Variants in MGAM observed in about 807,000 individuals in gnomAD.
MGAM encodes alpha-1,4-glucosidase.
A neutral mutation model predicts 358.8 loss-of-function variants in MGAM; 253 were observed. The ratio of observed to expected loss-of-function variants is 0.71; its 90% CI spans 0.64 to 0.78. The LOEUF is 0.78. Ranked by LOEUF, MGAM falls within the 30% of genes least tolerant of loss-of-function variation. The pLI is 0.00. For synonymous variants in MGAM, 1,105 were observed against 1,227.1 expected (o/e 0.90, Z 2.08); for missense variants, 3,080 against 3,432.6 (o/e 0.90, Z 2.57).
intron 49 of MGAM, among the ~76,000 whole-genome samples, chr7:142,080,101 C>G (rs1364751788): frequency 2.0e-5 from 3 of 146,476 alleles, no homozygotes; most frequent in East Asian, 4.0e-4. Context: ...TAATGACTAC[C>G]AAGTTTCTAA....
intron 18 of MGAM, among the ~76,000 whole-genome samples, chr7:142,037,347 G>A (rs1554466408): frequency 1.3e-5 from 2 of 152,176 alleles, no homozygotes; most frequent in African/African-American, 4.8e-5. Context: ...GGTCTCATCT[G>A]TAATGCACTA....
At chr7:142,082,337 T>G (rs1814383788) in intron 51 of MGAM, 127 bp downstream of exon 51, 1 of 1,293,466 alleles carries the variant, frequency 7.7e-7, no homozygotes, top group Admixed American at 2.2e-5. Context: ...GGGCCAATTC[T>G]CAGGCTCCTT....
intron 22 of MGAM, among the ~76,000 whole-genome samples, chr7:142,048,754 C>T (rs562809640): frequency 6.6e-6 from 1 of 152,008 alleles, no homozygotes; most frequent in African/African-American, 2.4e-5. Flanking sequence ...AATGGCTTGG[C>T]CTTGGAGACT....
At position 142,077,622 on chromosome 7, in the gene MGAM, T is replaced by G. The variant is rs1160855247; in HGVS notation, c.5494-696T>G. On this transcript the variant is annotated intron_variant, in intron 47 of 70. Coordinates refer to ENST00000475668, the MANE Select transcript of MGAM (RefSeq NM_001365693.1). ...GGGATGTTAGAAGTGGAAAGAAAGA[T>G]GATTTTATTTCCACCTCTCAATTTT... Among the ~76,000 whole-genome samples, 2 of 145,158 alleles carry G rather than the reference T, an allele frequency of 1.4e-5. 1 individual carries two copies. The highest frequency in any genetic ancestry group is 3.1e-5 in the Non-Finnish European group (2 of 64,162).
intron 5 of MGAM, 42 bp downstream of exon 5, chr7:142,021,125 T>A (rs199526313): frequency 4.2e-6 from 6 of 1,417,028 alleles, no homozygotes; most frequent in Admixed American, 2.1e-5. Context: ...TTTGAGAGAC[T>A]TTTATTCCCT....
chr7:142,099,502 G>A, intron 66 of MGAM, 111 bp from the exon 67 acceptor site: 2 of 1,535,838 alleles, frequency 1.3e-6, no homozygotes, highest in Non-Finnish European at 1.8e-6. Flanking sequence ...GTTGCAAAGG[G>A]TGATGAGCAG....
At chr7:142,044,765 GTATATTATATACACGTGTAATATATGATA>G (rs1563155317) in intron 21 of MGAM, among the ~76,000 whole-genome samples, 10 of 87,440 alleles carry the variant, frequency 1.1e-4, no homozygotes, top group South Asian at 3.4e-4. Context: ...GATATATAAT[GTATATTATATACACGTGTAATATATGATA>G]TATAATGTAT....
intron 33 of MGAM, 26 bp from the exon 34 acceptor site, chr7:142,060,285 G>A (rs202207680): frequency 1.8e-4 from 297 of 1,611,078 alleles, no homozygotes; most frequent in Admixed American, 6.5e-4. Context: ...CTAGTGCATC[G>A]CTACTGAACG....
chr7:142,065,320 T>C lies in MGAM; in HGVS notation c.4485-15T>C, dbSNP rs1395218544. ...GGCTGTTGCCTCAGTTCACCTCCTG[T>C]TCCCTTCCAAGCAGAGCCGTGCAGG... On this transcript the variant is annotated splice_polypyrimidine_tract_variant and intron_variant, in intron 37 of 70. Transcript: ENST00000475668. The C allele has an allele frequency of 2.5e-6, 4 of 1,604,060 alleles. No homozygotes were observed. Among genetic ancestry groups the C allele is most frequent in the Admixed American group, 3.4e-5 (2 of 58,846 alleles).
intron 57 of MGAM, among the ~76,000 whole-genome samples, chr7:142,089,645 G>A (rs1815177387): frequency 6.9e-6 from 1 of 145,382 alleles, no homozygotes. Flanking sequence ...ACAAAAGTTA[G>A]CCAGGCGTGG....
chr7:142,077,850 G>A (rs1813868551), intron 47 of MGAM, among the ~76,000 whole-genome samples: 2 of 145,256 alleles, frequency 1.4e-5, no homozygotes, highest in South Asian at 4.4e-4. Context: ...TGATAACCAG[G>A]TCATATGATT....
intron 42 of MGAM, among the ~76,000 whole-genome samples, chr7:142,067,986 A>ATATATATATAT (rs1236775159): frequency 1.2e-4 from 1 of 8,692 alleles, no homozygotes; most frequent in African/African-American, 1.8e-4. Context: ...ATATATATAT[A>ATATATATATAT]TTTTTTTTTT....
intron 68 of MGAM, among the ~76,000 whole-genome samples, chr7:142,101,732 C>T (rs1427028388): frequency 6.6e-6 from 1 of 151,528 alleles, no homozygotes; most frequent in East Asian, 1.9e-4. Context: ...ATGCAGAAAC[C>T]CCCTCTCTAC....
At chr7:141,987,623 G>T (rs555664528) in intron 2 of MGAM, among the ~76,000 whole-genome samples, 41 of 151,736 alleles carry the variant, frequency 2.7e-4, no homozygotes, top group African/African-American at 9.9e-4. Context: ...AAATAATGGG[G>T]GTTTCTAGAA....
At chr7:142,024,918 A>C (rs1806807815) in intron 7 of MGAM, 132 bp from the exon 8 acceptor site, 1 of 625,810 alleles carries the variant, frequency 1.6e-6, no homozygotes, top group African/African-American at 1.8e-5. Flanking sequence ...CATCTTTTAA[A>C]AATGTGTCTT....
chr7:142,027,726 G>A lies in MGAM; in HGVS notation c.1212G>A (p.Gln404=), dbSNP rs2272330. The change falls in exon 10 of 71, where the codon CAG becomes CAA. Residue 404 remains glutamine, a synonymous_variant. Coordinates refer to ENST00000475668, the MANE Select transcript of MGAM (RefSeq NM_001365693.1). ...TCGTGGAGAGAAATCGCGCAGCACA[G>A]CTCCCTTATGTAAGCAAGGTTTTCA... The part of the protein sequence containing the change: ...REVVERNRAA[Q]LPYDVQHADI... 2 of 1,606,382 alleles carry A rather than the reference G, an allele frequency of 1.2e-6. No individual in the cohort carries two copies. The highest frequency in any genetic ancestry group is 2.7e-5 in the African/African-American group (2 of 74,768).
chr7:142,033,994 C>T (rs1563134195), intron 14 of MGAM, among the ~76,000 whole-genome samples: 1 of 152,210 alleles, frequency 6.6e-6, no homozygotes, highest in African/African-American at 2.4e-5. Flanking sequence ...GAACCTCAGG[C>T]CTGAATGAAT....
chr7:142,059,734 TCA>T, intron 32 of MGAM, 120 bp from the exon 33 acceptor site: 1 of 1,568,824 alleles, frequency 6.4e-7, no homozygotes, highest in South Asian at 1.2e-5. Flanking sequence ...TTCCCAGGAC[TCA>T]CAGAAACTCT....
rs1271654521 is a variant in MGAM, at chr7:142,070,281, T to C, written c.5062-713T>C. On this transcript the variant is annotated intron_variant, in intron 43 of 70. Coordinates refer to ENST00000475668, the MANE Select transcript of MGAM (RefSeq NM_001365693.1). ...CATAATTAGGATTAATGAAGAAGTG[T>C]CACCTTAATTAATCTTCCCAAGTTT... Among the ~76,000 whole-genome samples, 2 of 145,742 alleles carry C rather than the reference T, an allele frequency of 1.4e-5. 1 individual carries two copies. Among genetic ancestry groups the C allele is most frequent in the Non-Finnish European group, 3.1e-5 (2 of 64,410 alleles).
Sources: allele counts gnomAD v4.1 joint callset (sites outside exome capture counted in the v4.1 genomes callset), GRCh38; gene constraint gnomAD v4.1.1; transcripts MANE v1.5; gene names NCBI Gene and HGNC (gene_info 2026-07-23, HGNC 2026-07-21).